L3MBTL4: variants seen among roughly 807,000 people sequenced by gnomAD.
The protein encoded by L3MBTL4 is lethal(3)malignant brain tumor-like protein 4.
In L3MBTL4, 70 loss-of-function variants were observed where a neutral mutation model predicts 84.5. That is an observed-to-expected ratio of 0.83 (90% confidence interval 0.68 to 1.01). L3MBTL4 has a LOEUF of 1.01. L3MBTL4 is among the 50% of genes least tolerant of loss of function. The probability of loss-of-function intolerance (pLI) is 0.00; values close to 1 mark genes in which losing one functional copy is unlikely to be tolerated. For missense variants in L3MBTL4, 715 were observed against 754.8 expected (o/e 0.95, Z 0.62); for synonymous variants, 274 against 259.8 (o/e 1.05, Z -0.52).
At chr18:6,160,062 A>C (rs2013754857) in intron 13 of L3MBTL4, among the ~76,000 whole-genome samples, 1 of 152,218 alleles carries the variant, frequency 6.6e-6, no homozygotes, top group Non-Finnish European at 1.5e-5. Context: ...ATGGAGAGTC[A>C]TGCAGTCCTG....
intron 16 of L3MBTL4, among the ~76,000 whole-genome samples, chr18:6,076,934 G>C (rs929031690): frequency 6.6e-6 from 1 of 152,164 alleles, no homozygotes; most frequent in Non-Finnish European, 1.5e-5. Context: ...AGGGACCAAG[G>C]AGCGTCTAAC....
At chr18:6,072,595 C>G (rs1437353908) in intron 16 of L3MBTL4, among the ~76,000 whole-genome samples, 5 of 151,266 alleles carry the variant, frequency 3.3e-5, no homozygotes, top group African/African-American at 7.3e-5. Flanking sequence ...AATCCCAGCA[C>G]TCTGGGAGGC....
At chr18:6,081,067 G>A (rs2058061445) in intron 15 of L3MBTL4, 116 bp from the exon 16 acceptor site, 1 of 666,928 alleles carries the variant, frequency 1.5e-6, no homozygotes, top group African/African-American at 1.9e-5. Flanking sequence ...GAATTGGCAG[G>A]TATTTTGCTG....
At chr18:6,347,563 A>G (rs566475494) in intron 1 of L3MBTL4, among the ~76,000 whole-genome samples, 2 of 151,946 alleles carry the variant, frequency 1.3e-5, no homozygotes, top group African/African-American at 4.8e-5. Context: ...GGAGGAAAAT[A>G]TATGACTTCA....
intron 1 of L3MBTL4, among the ~76,000 whole-genome samples, chr18:6,345,030 G>T (rs780863683): frequency 2.0e-5 from 3 of 151,912 alleles, no homozygotes; most frequent in Non-Finnish European, 4.4e-5. Context: ...AAGTCAGAAA[G>T]AAAGAAGTAA....
intron 5 of L3MBTL4, among the ~76,000 whole-genome samples, chr18:6,247,270 T>C (rs2047706142): frequency 6.6e-6 from 1 of 152,120 alleles, no homozygotes. Flanking sequence ...ATTCCAATTT[T>C]GTCCATTTAT....
At chr18:6,168,906 A>G (rs1178616944) in intron 13 of L3MBTL4, among the ~76,000 whole-genome samples, 3 of 148,952 alleles carry the variant, frequency 2.0e-5, no homozygotes, top group African/African-American at 7.8e-5. Context: ...ACAGAATGGG[A>G]GAAAATTTTT....
chr18:6,090,301 A>T (rs1568101401), intron 15 of L3MBTL4, among the ~76,000 whole-genome samples: 2 of 151,996 alleles, frequency 1.3e-5, no homozygotes, highest in African/African-American at 4.8e-5. Flanking sequence ...TAAAAACATG[A>T]CTCTCTACTA....
intron 1 of L3MBTL4, among the ~76,000 whole-genome samples, chr18:6,407,286 C>T (rs182380843): frequency 1.1e-4 from 16 of 152,302 alleles, no homozygotes; most frequent in South Asian, 2.1e-4. Flanking sequence ...GGTCTGTTAA[C>T]CTTAACAGTT....
chr18:6,260,013 C>A (rs995495578), intron 5 of L3MBTL4: 6 of 152,168 alleles, frequency 3.9e-5, no homozygotes, highest in African/African-American at 1.4e-4. Flanking sequence ...ATATGGCTAG[C>A]CAGCTATCCC....
chr18:6,009,301 A>G (rs2054628651), intron 16 of L3MBTL4, among the ~76,000 whole-genome samples: 1 of 152,146 alleles, frequency 6.6e-6, no homozygotes, highest in African/African-American at 2.4e-5. Flanking sequence ...AGCAATGACC[A>G]GTCAGGATGA....
intron 10 of L3MBTL4, among the ~76,000 whole-genome samples, chr18:6,234,198 A>G (rs2047117763): frequency 6.6e-6 from 1 of 152,222 alleles, no homozygotes; most frequent in Non-Finnish European, 1.5e-5. Context: ...TGTTAGACCT[A>G]AAACCATAAA....
At chr18:6,181,823 G>A (rs1037726182) in intron 12 of L3MBTL4, among the ~76,000 whole-genome samples, 8 of 152,156 alleles carry the variant, frequency 5.3e-5, no homozygotes, top group Admixed American at 5.2e-4. Flanking sequence ...CATCTCTGTT[G>A]CTATAAAGGA....
intron 15 of L3MBTL4, among the ~76,000 whole-genome samples, chr18:6,087,921 T>C (rs1289673868): frequency 6.6e-6 from 1 of 152,160 alleles, no homozygotes; most frequent in East Asian, 1.9e-4. Context: ...TTTATGACCA[T>C]TTTACAGGTG....
intron 16 of L3MBTL4, among the ~76,000 whole-genome samples, chr18:6,028,602 A>G (rs1404590435): frequency 2.0e-5 from 3 of 152,232 alleles, no homozygotes; most frequent in African/African-American, 7.2e-5. Context: ...TGGGAATAGC[A>G]TTGAATCCAT....
At chr18:6,292,180 C>T (rs1309286332) in intron 4 of L3MBTL4, among the ~76,000 whole-genome samples, 1 of 152,180 alleles carries the variant, frequency 6.6e-6, no homozygotes, top group African/African-American at 2.4e-5. Context: ...AAATTCAACA[C>T]AGTCATAAAA....
At chr18:6,094,990 A>G (rs1013807921) in intron 14 of L3MBTL4, among the ~76,000 whole-genome samples, 1 of 152,216 alleles carries the variant, frequency 6.6e-6, no homozygotes, top group Non-Finnish European at 1.5e-5. Context: ...TCAGGTATTG[A>G]TTCAACAATC....
chr18:6,412,661 G>T (rs139291028), intron 1 of L3MBTL4, among the ~76,000 whole-genome samples: 34 of 152,190 alleles, frequency 2.2e-4, no homozygotes, highest in African/African-American at 7.9e-4. Context: ...CCTCTGCTCA[G>T]CAGTTGTCTG....
At chr18:6,330,820 G>A (rs2051995576) in intron 1 of L3MBTL4, among the ~76,000 whole-genome samples, 2 of 152,134 alleles carry the variant, frequency 1.3e-5, no homozygotes, top group Admixed American at 1.3e-4. Flanking sequence ...CTGATTTCTT[G>A]TTAGCCTTAT....
Sources: gnomAD v4.1 joint callset for allele counts (sites outside exome capture counted in the v4.1 genomes callset) on GRCh38, gnomAD v4.1.1 for gene constraint, MANE v1.5 for transcripts, NCBI Gene and HGNC (gene_info 2026-07-23, HGNC 2026-07-21) for gene names.